The following RPH3AL variants were observed in gnomAD, a reference collection of about 807,000 sequenced individuals.
RPH3AL encodes rab effector Noc2.
In RPH3AL, 38 loss-of-function variants were observed where a neutral mutation model predicts 43.1. The observed-to-expected ratio is 0.88, with a 90% CI of 0.68 to 1.15. The LOEUF (loss-of-function observed/expected upper bound fraction) is 1.15, where lower values mean the gene tolerates loss of function less well. Ranked by LOEUF, RPH3AL falls within the 50% of genes most tolerant of loss-of-function variation. RPH3AL has a pLI of 0.00. For synonymous variants in RPH3AL, 189 were observed against 176.3 expected (o/e 1.07, Z -0.57); for missense variants, 462 against 423.2 (o/e 1.09, Z -0.81).
intron 5 of RPH3AL, among the ~76,000 whole-genome samples, chr17:313,434 G>T (rs1221874403): frequency 1.3e-5 from 2 of 152,204 alleles, no homozygotes; most frequent in African/African-American, 2.4e-5. Context: ...TGTGCCCCTT[G>T]AACATGCCCA....
rs1480071172 is a variant in RPH3AL, at chr17:245,437, G to A, written c.613+1674C>T. 1.3e-5 allele frequency among the ~76,000 whole-genome samples: 2 copies of A among 150,566 alleles called. No individual in the cohort carries two copies. Among genetic ancestry groups the A allele is most frequent in the East Asian group, 3.9e-4 (2 of 5,124 alleles). On this transcript the variant is annotated intron_variant, in intron 7 of 9. Transcript: ENST00000331302. The surrounding 1 kb of genome is among the most constrained non-coding windows in gnomAD (Gnocchi z 5.9). ...TGCATGGTGATGTGTGTGTAGGTGT[G>A]AGCGTGTGTCAATGCGGTTGTGTTT...
chr17:247,217 AG>A lies in RPH3AL; in HGVS notation c.506del (p.Pro169LeufsTer53), dbSNP rs1555540460. 1 of 1,613,302 alleles carries A rather than the reference AG, an allele frequency of 6.2e-7. No individual in the cohort carries two copies. The highest frequency in any genetic ancestry group is 8.5e-7 in the Non-Finnish European group (1 of 1,179,616). ...LPKYILPLKT[P>X]GRADDPHFRP... ...GGAAGTGGGGGTCATCAGCTCGGCC[AG>A]GGGTCTTCAGGGGCAAGATATACTT... On this transcript the variant is annotated frameshift_variant, in exon 7 of 10. Coordinates refer to ENST00000331302, the MANE Select transcript of RPH3AL (RefSeq NM_006987.4). LOFTEE classifies it high-confidence loss of function.
chr17:223,638 C>T lies in RPH3AL; in HGVS notation c.614-3902G>A, dbSNP rs148462628. Among the ~76,000 whole-genome samples, 602 of 152,100 alleles carry T rather than the reference C, an allele frequency of 4.0e-3. 4 individuals are homozygous for T. The highest frequency in any genetic ancestry group is 7.0e-3 in the Non-Finnish European group (474 of 67,988). ...AGTGTGTAGGGAAGAATTCAGAGACCGCACTGAAGCTTAGTGGGAGGAAGT... is the reference window on the plus strand; with the variant it reads ...AGTGTGTAGGGAAGAATTCAGAGACTGCACTGAAGCTTAGTGGGAGGAAGT... On this transcript the variant is annotated intron_variant, in intron 7 of 9. Coordinates refer to ENST00000331302, the MANE Select transcript of RPH3AL (RefSeq NM_006987.4).
intron 6 of RPH3AL, among the ~76,000 whole-genome samples, chr17:265,818 G>A (rs544240022): frequency 7.2e-5 from 11 of 151,994 alleles, no homozygotes; most frequent in Admixed American, 2.0e-4. Flanking sequence ...ACGGGAGGCC[G>A]GTGGCACAGA....
intron 6 of RPH3AL, among the ~76,000 whole-genome samples, chr17:258,613 C>T (rs1176142762): frequency 6.6e-6 from 1 of 152,172 alleles, no homozygotes; most frequent in African/African-American, 2.4e-5. Flanking sequence ...AGCCTTGCCT[C>T]CTGCTGCAAA....
Position 333,179 on chromosome 17 carries a change from CATCACTGCAGACACAGAGAA to C in RPH3AL, c.-37+560_-37+579del. On this transcript the variant is annotated intron_variant, in intron 2 of 9. Transcript: ENST00000331302. This position sits in a 1 kb window ranked among gnomAD's most constrained non-coding sequence, Gnocchi z 4.5. The stretch of plus-strand genomic sequence containing the variant: ...CACCCCGGGCGTTCGTCACTGCAGA[CATCACTGCAGACACAGAGAA>C]GGCCATTAGAGCTCACCACCCCGGG... The C allele has an allele frequency of 8.6e-7, 1 of 1,156,158 alleles. No homozygotes were observed. The highest frequency in any genetic ancestry group is 1.5e-5 in the South Asian group (1 of 64,864). The allele number at this position is 1,156,158 out of a possible 1,614,324, so 71.6% of individuals were successfully genotyped here.
rs1395491065 is a variant in RPH3AL at position 322,614 on chromosome 17, G to C, written c.78-1199C>G. Among the ~76,000 whole-genome samples, 1 of 152,090 alleles carries C rather than the reference G, an allele frequency of 6.6e-6. No homozygotes were observed. The highest frequency in any genetic ancestry group is 2.4e-5 in the African/African-American group (1 of 41,410). On this transcript the variant is annotated intron_variant, in intron 3 of 9. Transcript: ENST00000331302. This position sits in a 1 kb window ranked among gnomAD's most constrained non-coding sequence, Gnocchi z 4.0. ...CCAGCAGGGAGGGGATGAGGCTCTG[G>C]AAAGGCTCGCTTTCTTTAGGGAAGT...
chr17:236,415 T>C (rs1225460916), intron 7 of RPH3AL, among the ~76,000 whole-genome samples: 1 of 152,132 alleles, frequency 6.6e-6, no homozygotes, highest in Non-Finnish European at 1.5e-5. Flanking sequence ...TGGCCTTAGC[T>C]GGCCACGCCA....
chr17:233,957 G>A (rs1330807012), intron 7 of RPH3AL, among the ~76,000 whole-genome samples: 1 of 105,222 alleles, frequency 9.5e-6, no homozygotes, highest in Non-Finnish European at 1.9e-5. Flanking sequence ...TACTTACCCT[G>A]ACCAACTTCC....
chr17:294,630 C>T (rs370612803), intron 5 of RPH3AL, among the ~76,000 whole-genome samples: 17 of 72,068 alleles, frequency 2.4e-4, no homozygotes, highest in Middle Eastern at 0.01. Context: ...ACAGATGCTG[C>T]AGAAATGGAC....
chr17:280,295 G>A (rs773479386), intron 6 of RPH3AL, among the ~76,000 whole-genome samples: 1 of 152,116 alleles, frequency 6.6e-6, no homozygotes, highest in Non-Finnish European at 1.5e-5. Flanking sequence ...CTGTTGAGGG[G>A]ATTTTCCACC....
At chr17:241,616 G>T (rs1555536957) in intron 7 of RPH3AL, among the ~76,000 whole-genome samples, 2 of 151,632 alleles carry the variant, frequency 1.3e-5, no homozygotes, top group Admixed American at 6.6e-5. Flanking sequence ...TAAAACAAAA[G>T]CCAAAAAAAC....
chr17:229,290 C>T (rs1397372861), intron 7 of RPH3AL, among the ~76,000 whole-genome samples: 1 of 152,216 alleles, frequency 6.6e-6, no homozygotes, highest in African/African-American at 2.4e-5. Flanking sequence ...AAGGCCATAC[C>T]TAAAGGCAAG....
Position 321,297 on chromosome 17 carries a change from C to G in RPH3AL, c.196G>C (p.Asp66His), listed in dbSNP as rs374739978. 3.7e-6 allele frequency: 6 copies of G among 1,609,712 alleles called. No individual in the cohort carries two copies. Among genetic ancestry groups the G allele is most frequent in the Non-Finnish European group, 5.1e-6 (6 of 1,179,848 alleles). ...CCGATTCTCTGCTGCTCCAGGACGT[C>G]GAGCCGCTCTGCCCTCTGGATGACC... is the stretch of plus-strand genomic sequence containing the variant. ...LQVIQRAERL[D>H]VLEQQRIGRL... The change falls in exon 4 of 10, where the codon GAC (aspartate) becomes CAC (histidine). Residue 66 changes from aspartate (D) to histidine (H), a missense_variant. Transcript: ENST00000331302.
intron 6 of RPH3AL, among the ~76,000 whole-genome samples, chr17:258,909 C>T (rs782678340): frequency 3.9e-5 from 6 of 151,988 alleles, no homozygotes; most frequent in South Asian, 4.2e-4. Context: ...CACAGCAACA[C>T]GCCACCATGC....
Position 283,035 on chromosome 17 carries a change from C to A in RPH3AL, c.352-1181G>T, listed in dbSNP as rs866038698. Among the ~76,000 whole-genome samples, 1 of 152,174 alleles carries A rather than the reference C, an allele frequency of 6.6e-6. No individual in the cohort carries two copies. The highest frequency in any genetic ancestry group is 1.5e-5 in the Non-Finnish European group (1 of 68,034). On this transcript the variant is annotated intron_variant, in intron 5 of 9. Coordinates refer to ENST00000331302, the MANE Select transcript of RPH3AL (RefSeq NM_006987.4). This position sits in a 1 kb window ranked among gnomAD's most constrained non-coding sequence, Gnocchi z 4.2. ...GAGGTGGATGTGTTGGGGCTGAGAC[C>A]GGCTCCAGGCTAACCCAGGCAGAGT...
chr17:219,790 G>A (rs2040911969), intron 7 of RPH3AL, 54 bp from the exon 8 acceptor site: 1 of 1,365,496 alleles, frequency 7.3e-7, no homozygotes, highest in African/African-American at 1.4e-5. Context: ...CCTACCTGCA[G>A]GCATGGACGG....
At chr17:263,627 G>A (rs577521398) in intron 6 of RPH3AL, among the ~76,000 whole-genome samples, 64 of 152,342 alleles carry the variant, frequency 4.2e-4, no homozygotes, top group African/African-American at 1.1e-3. Flanking sequence ...CGGTCTGCAC[G>A]GTAGGTCGAC....
At chr17:236,688 G>A (rs749144707) in intron 7 of RPH3AL, among the ~76,000 whole-genome samples, 7 of 152,208 alleles carry the variant, frequency 4.6e-5, no homozygotes, top group South Asian at 2.1e-4. Context: ...TTCGTCTCCC[G>A]CCCTGATTCT....
Sources: allele counts gnomAD v4.1 joint callset (sites outside exome capture counted in the v4.1 genomes callset), GRCh38; gene constraint gnomAD v4.1.1; non-coding constraint Gnocchi (gnomAD v3.1); transcripts MANE v1.5; gene names NCBI Gene and HGNC (gene_info 2026-07-23, HGNC 2026-07-21).